DNAH14: variants seen among roughly 807,000 people sequenced by gnomAD.
DNAH14 encodes axonemal beta dynein heavy chain 14.
A neutral mutation model predicts 520.9 loss-of-function variants in DNAH14; 478 were observed. The observed-to-expected ratio is 0.92, with a 90% CI of 0.85 to 0.99. The LOEUF (loss-of-function observed/expected upper bound fraction) is 0.99. Ranked by LOEUF, DNAH14 falls within the 50% of genes least tolerant of loss-of-function variation. DNAH14 has a pLI of 0.00. For synonymous variants in DNAH14, 1,581 were observed against 1,757.2 expected, an observed-to-expected ratio of 0.90 and a Z score of 2.51; for missense variants, 4,831 against 5,234.5, an observed-to-expected ratio of 0.92 and a Z score of 2.38.
At chr1:224,930,941 TATTAAA>T (rs2058659201) in intron 1 of DNAH14, among the ~76,000 whole-genome samples, 1 of 152,178 alleles carries the variant, frequency 6.6e-6, no homozygotes. Flanking sequence ...TACTCCTCTT[TATTAAA>T]AAAATGTTAC....
chr1:225,079,253 T>G lies in DNAH14; in HGVS notation c.2471T>G (p.Ile824Arg). 1 of 1,548,332 alleles carries G rather than the reference T, an allele frequency of 6.5e-7. No homozygotes were observed. The highest frequency in any genetic ancestry group is 8.7e-7 in the Non-Finnish European group (1 of 1,146,386). Residue 824 changes from isoleucine (I) to arginine (R), a missense_variant, in exon 18 of 86, where the codon ATA becomes AGA. Coordinates refer to ENST00000682510, the MANE Select transcript of DNAH14 (RefSeq NM_001367479.1). ...LQQLECDPTE[I>R]EEFLEHFIFL... ...CAGCTGGAATGTGATCCCACTGAAA[T>G]AGAAGAATTTCTGGAGCATTTTATT...
intron 2 of DNAH14, 166 bp downstream of exon 2, chr1:224,952,945 A>G (rs2060269648): frequency 1.1e-5 from 5 of 454,644 alleles, no homozygotes; most frequent in Non-Finnish European, 1.9e-5. Flanking sequence ...GTGTTTTCTG[A>G]TAAGACAGGC....
chr1:225,267,369 C>T (rs1357894516), intron 49 of DNAH14, among the ~76,000 whole-genome samples: 3 of 149,570 alleles, frequency 2.0e-5, no homozygotes, highest in African/African-American at 4.9e-5. Flanking sequence ...TCACGGCTCA[C>T]TGCAAACTCC....
chr1:224,942,622 T>C (rs1472640560), intron 1 of DNAH14, among the ~76,000 whole-genome samples: 1 of 152,198 alleles, frequency 6.6e-6, no homozygotes, highest in Admixed American at 6.5e-5. Context: ...GCCCATTCAG[T>C]ATGATATTGG....
At chr1:225,391,555 CAGA>C (rs1055464271) in intron 83 of DNAH14, among the ~76,000 whole-genome samples, 3 of 151,878 alleles carry the variant, frequency 2.0e-5, no homozygotes, top group African/African-American at 7.3e-5. Flanking sequence ...TGGTAGTGGG[CAGA>C]AGCAGGGAGT....
intron 11 of DNAH14, among the ~76,000 whole-genome samples, chr1:225,029,581 G>T (rs1177042755): frequency 6.6e-6 from 1 of 151,950 alleles, no homozygotes; most frequent in Non-Finnish European, 1.5e-5. Flanking sequence ...GGAAGGGAGA[G>T]ATATTAATCT....
At chr1:225,152,954 G>C (rs565368445) in intron 33 of DNAH14, 71 bp downstream of exon 33, 2 of 1,477,168 alleles carry the variant, frequency 1.4e-6, no homozygotes, top group Non-Finnish European at 1.8e-6. Flanking sequence ...TACTTTTCTG[G>C]ATTGGTCCAG....
At chr1:225,335,848 CAT>C (rs375120864) in intron 66 of DNAH14, among the ~76,000 whole-genome samples, 38,255 of 110,500 alleles carry the variant, frequency 0.35, 8,308 homozygotes, top group South Asian at 0.53. Flanking sequence ...TGTACATACA[CAT>C]ATGTACATAT....
At chr1:224,965,913 A>G (rs1253635160) in intron 5 of DNAH14, among the ~76,000 whole-genome samples, 3 of 152,198 alleles carry the variant, frequency 2.0e-5, no homozygotes, top group Non-Finnish European at 4.4e-5. Flanking sequence ...GTGTGTGAAG[A>G]AAGGATTGAG....
At chr1:225,096,393 G>A (rs2074972413) in intron 21 of DNAH14, among the ~76,000 whole-genome samples, 1 of 152,168 alleles carries the variant, frequency 6.6e-6, no homozygotes, top group Non-Finnish European at 1.5e-5. Flanking sequence ...GTAAGTACCA[G>A]AAGTCAAATA....
At chr1:225,335,637 GC>G (rs1558433183) in intron 66 of DNAH14, among the ~76,000 whole-genome samples, 1 of 123,978 alleles carries the variant, frequency 8.1e-6, no homozygotes, top group African/African-American at 3.1e-5. Context: ...ATACATATGT[GC>G]ATATATGTAT....
chr1:225,141,803 T>C (rs1235822483), intron 28 of DNAH14, among the ~76,000 whole-genome samples: 3 of 152,166 alleles, frequency 2.0e-5, no homozygotes, highest in Admixed American at 1.3e-4. Context: ...ACTGCCTTCC[T>C]CCTACCTGGA....
At chr1:225,171,447 G>A (rs1484191167) in intron 36 of DNAH14, among the ~76,000 whole-genome samples, 9 of 152,070 alleles carry the variant, frequency 5.9e-5, no homozygotes, top group Non-Finnish European at 1.2e-4. Context: ...TATCACCACC[G>A]ATCCCGCAGA....
chr1:225,158,404 C>T (rs1301279787), intron 34 of DNAH14, among the ~76,000 whole-genome samples: 1 of 152,144 alleles, frequency 6.6e-6, no homozygotes, highest in African/African-American at 2.4e-5. Context: ...ATTCTCAGTA[C>T]TGCAGTCCTC....
intron 23 of DNAH14, among the ~76,000 whole-genome samples, chr1:225,103,982 A>G (rs983987430): frequency 6.7e-6 from 1 of 149,962 alleles, no homozygotes; most frequent in Non-Finnish European, 1.5e-5. Flanking sequence ...TTTCAAAGGG[A>G]ATGCTTCCAG....
intron 10 of DNAH14, among the ~76,000 whole-genome samples, chr1:225,009,604 A>G (rs186706295): frequency 8.5e-5 from 13 of 152,278 alleles, no homozygotes; most frequent in African/African-American, 2.4e-4. Flanking sequence ...TTTTGGTTCC[A>G]TATTAAATTT....
At chr1:225,173,680 A>G (rs569670489) in intron 36 of DNAH14, among the ~76,000 whole-genome samples, 93 of 152,328 alleles carry the variant, frequency 6.1e-4, no homozygotes, top group African/African-American at 2.2e-3. Context: ...AACTAGTTCA[A>G]CCATTGTGGA....
chr1:225,066,269 T>C lies in DNAH14; in HGVS notation c.2425-12938T>C, dbSNP rs149465717. 2.0e-5 allele frequency among the ~76,000 whole-genome samples: 3 copies of C among 152,180 alleles called. No individual in the cohort carries two copies. The East Asian group carries it at 5.8e-4, about 29-fold the overall frequency. On this transcript the variant is annotated intron_variant, in intron 17 of 85. Transcript: ENST00000682510. ...GATGTATAGCTTGCAAAATATTTTC[T>C]CCAAATTCATAGGTTGTCCCTTCAG...
chr1:225,233,229 C>T (rs1171230120), intron 42 of DNAH14, among the ~76,000 whole-genome samples: 4 of 152,194 alleles, frequency 2.6e-5, no homozygotes, highest in South Asian at 2.1e-4. Context: ...TAGGTTGATT[C>T]CATATCTTTG....
Sources: allele counts gnomAD v4.1 joint callset (sites outside exome capture counted in the v4.1 genomes callset), GRCh38; gene constraint gnomAD v4.1.1; transcripts MANE v1.5; gene names NCBI Gene and HGNC (gene_info 2026-07-23, HGNC 2026-07-21).